CEP63: variants seen among roughly 807,000 people sequenced by gnomAD.
CEP63 encodes centrosomal protein 63.
CEP63 carries 84 observed loss-of-function variants against 89.1 expected under a neutral mutation model. That is an observed-to-expected ratio of 0.94 (90% CI 0.79 to 1.13). The LOEUF (loss-of-function observed/expected upper bound fraction) is 1.13, where lower values mean the gene tolerates loss of function less well. Ranked by LOEUF, CEP63 falls within the 50% of genes most tolerant of loss-of-function variation. CEP63 has a pLI of 0.00. For missense variants in CEP63, 838 were observed against 813.3 expected, an observed-to-expected ratio of 1.03 and a Z score of -0.37; for synonymous variants, 267 against 272.5, an observed-to-expected ratio of 0.98 and a Z score of 0.20.
chr3:134,544,965 A>G (rs1046273969), intron 6 of CEP63, among the ~76,000 whole-genome samples: 4 of 152,024 alleles, frequency 2.6e-5, no homozygotes, highest in Admixed American at 2.6e-4. Context: ...CTCCCATGCC[A>G]CTGTGCTCGG....
the CEP63 span, among the ~76,000 whole-genome samples, chr3:134,712,640 G>A: frequency 1.3e-5 from 2 of 151,560 alleles, no homozygotes; most frequent in Non-Finnish European, 2.9e-5. Context: ...TTTTCTTTTA[G>A]TTTGTTTGTG....
chr3:134,628,946 A>G, the CEP63 span, among the ~76,000 whole-genome samples: 3 of 152,312 alleles, frequency 2.0e-5, no homozygotes, highest in Non-Finnish European at 2.9e-5. Flanking sequence ...CACTGCATGG[A>G]CCTAAAGAGG....
At chr3:134,610,994 C>G in the CEP63 span, among the ~76,000 whole-genome samples, 27,667 of 152,194 alleles carry the variant, frequency 0.18, 3,287 homozygotes, top group Non-Finnish European at 0.27. Context: ...ATGTCTCCAG[C>G]CCTGGCCCAG....
At chr3:134,586,481 G>C (rs1292474148) in intron 10 of CEP63, among the ~76,000 whole-genome samples, 2 of 152,152 alleles carry the variant, frequency 1.3e-5, no homozygotes, top group Non-Finnish European at 2.9e-5. Flanking sequence ...TGAAATTCTG[G>C]GTTGGAAATT....
chr3:134,486,145 G>A lies in CEP63; in HGVS notation c.-83G>A. ...GGGCAGTGGGCGGAACAAACGCGCC[G>A]ACTACAGAGGCTGGACGTAAGCTTA... On this transcript the variant is annotated 5_prime_UTR_variant, in exon 1 of 15. Transcript: ENST00000675561. The A allele has an allele frequency of 1.0e-6, 1 of 985,592 alleles. No homozygotes were observed. Among genetic ancestry groups the A allele is most frequent in the African/African-American group, 1.7e-5 (1 of 57,376 alleles). The allele number at this position is 985,592 out of a possible 1,614,324, so 61.1% of individuals were successfully genotyped here.
At chr3:134,603,704 G>A in the CEP63 span, 1 of 1,613,896 alleles carries the variant, frequency 6.2e-7, no homozygotes. Context: ...TAGCCCTCGT[G>A]GTTCAGGGTC....
rs142629260 is a variant in CEP63, at chr3:134,507,257, A to G, written c.193A>G (p.Arg65Gly). The change falls in exon 3 of 15, where the codon AGG becomes GGG. Residue 65 changes from arginine to glycine, a missense_variant. Arg to Gly is a moderately radical substitution (Grantham distance 125, BLOSUM62 -2). Transcript: ENST00000675561. ...KIREQELKSLRSQLDVTHKEV... is the reference protein window; with the variant it reads ...KIREQELKSLGSQLDVTHKEV... The stretch of plus-strand genomic sequence containing the variant: ...CCGTGAACAGGAACTTAAGAGTCTT[A>G]GGAGTCAGTTGGATGTGACACATAA... 117 of 1,613,700 alleles carry G rather than the reference A, an allele frequency of 7.3e-5. 1 individual carries two copies. Among genetic ancestry groups the G allele is most frequent in the Non-Finnish European group, 1.7e-5 (20 of 1,179,822 alleles).
At chr3:134,746,759 T>C in the CEP63 span, among the ~76,000 whole-genome samples, 3 of 152,234 alleles carry the variant, frequency 2.0e-5, no homozygotes, top group Admixed American at 2.0e-4. Flanking sequence ...CTTTACCCAC[T>C]TTTTGATGGG....
chr3:134,562,141 G>T lies in CEP63; in HGVS notation c.*606G>T. 9 of 988,060 alleles carry T rather than the reference G, an allele frequency of 9.1e-6. No individual in the cohort carries two copies. Among genetic ancestry groups the T allele is most frequent in the Non-Finnish European group, 1.1e-5 (9 of 831,632 alleles). 61.2% of individuals were successfully genotyped at this position (988,060 alleles called of 1,614,324 possible). A position where few individuals can be genotyped will look rare whatever the true frequency, so the allele number is the denominator to read the frequency against. On this transcript the variant is annotated 3_prime_UTR_variant, in exon 15 of 15. Transcript: ENST00000675561. ...CATGCAGAGGAGAGAGGCAGGGAGG[G>T]CAAGGGACTGGCTGTCATGCACGGT...
intron 1 of CEP63, among the ~76,000 whole-genome samples, chr3:134,492,942 T>C (rs1169285013): frequency 6.6e-6 from 1 of 152,164 alleles, no homozygotes; most frequent in Admixed American, 6.5e-5. Context: ...ATGAGTATAG[T>C]GAAGATTGAT....
chr3:134,543,608 G>T, intron 6 of CEP63, among the ~76,000 whole-genome samples: 1 of 152,200 alleles, frequency 6.6e-6, no homozygotes, highest in Non-Finnish European at 1.5e-5. Flanking sequence ...TGAGTTGATA[G>T]TGTTAGGTAG....
At chr3:134,580,947 TC>T (rs1341505908) in intron 10 of CEP63, among the ~76,000 whole-genome samples, 1 of 139,700 alleles carries the variant, frequency 7.2e-6, no homozygotes, top group Non-Finnish European at 1.6e-5. Flanking sequence ...CCTAGTTGGG[TC>T]TCATGTAATC....
the CEP63 span, among the ~76,000 whole-genome samples, chr3:134,639,604 CT>C: frequency 6.6e-6 from 1 of 152,140 alleles, no homozygotes; most frequent in African/African-American, 2.4e-5. Flanking sequence ...GGGATAAGGG[CT>C]GATGACCTTG....
chr3:134,693,889 G>A, the CEP63 span, among the ~76,000 whole-genome samples: 1 of 152,208 alleles, frequency 6.6e-6, no homozygotes, highest in Non-Finnish European at 1.5e-5. Flanking sequence ...ATGTCTTCCT[G>A]GCGGTGCGTG....
At chr3:134,495,947 C>T (rs541549443) in intron 2 of CEP63, among the ~76,000 whole-genome samples, 5 of 152,186 alleles carry the variant, frequency 3.3e-5, no homozygotes, top group African/African-American at 4.8e-5. Flanking sequence ...GGATATATTT[C>T]TGACATTTTC....
At chr3:134,675,687 A>G in the CEP63 span, among the ~76,000 whole-genome samples, 1 of 152,212 alleles carries the variant, frequency 6.6e-6, no homozygotes, top group African/African-American at 2.4e-5. Flanking sequence ...ACTCAATACT[A>G]AAAGACAATC....
At chr3:134,648,427 C>A in the CEP63 span, among the ~76,000 whole-genome samples, 1 of 152,236 alleles carries the variant, frequency 6.6e-6, no homozygotes, top group African/African-American at 2.4e-5. Context: ...ACACAAACCA[C>A]ATAGACTTTT....
the CEP63 span, chr3:134,603,587 C>G: frequency 1.3e-6 from 2 of 1,577,968 alleles, no homozygotes; most frequent in African/African-American, 2.7e-5. Context: ...CCTCACTGGG[C>G]ATTCACTTTG....
chr3:134,558,914 CTTGT>C (rs1454852961), intron 13 of CEP63, among the ~76,000 whole-genome samples: 11 of 152,230 alleles, frequency 7.2e-5, no homozygotes, highest in East Asian at 5.8e-4. Flanking sequence ...ACTCTGGCAG[CTTGT>C]TTGTCTTTCT....
Sources: allele counts gnomAD v4.1 joint callset (sites outside exome capture counted in the v4.1 genomes callset), GRCh38; gene constraint gnomAD v4.1.1; transcripts MANE v1.5; gene names NCBI Gene and HGNC (gene_info 2026-07-23, HGNC 2026-07-21).